ULK2: variants seen among roughly 807,000 people sequenced by gnomAD.
ULK2 encodes the protein unc-51 like autophagy activating kinase 2.
A neutral mutation model predicts 127.5 loss-of-function variants in ULK2; 76 were observed. The observed-to-expected ratio is 0.60, with a 90% CI of 0.50 to 0.72. ULK2 has a LOEUF of 0.72. Ranked by LOEUF, ULK2 falls within the 30% of genes least tolerant of loss-of-function variation. ULK2 has a pLI of 0.00. For missense variants in ULK2, 1,144 were observed against 1,295.9 expected (o/e 0.88, Z 1.80); for synonymous variants, 452 against 461.9 (o/e 0.98, Z 0.28).
At chr17:19,833,228 T>C (rs1438825269) in intron 10 of ULK2, among the ~76,000 whole-genome samples, 1 of 151,786 alleles carries the variant, frequency 6.6e-6, no homozygotes, top group Non-Finnish European at 1.5e-5. Flanking sequence ...TGTTTGATTT[T>C]TGACAAAAAA....
intron 3 of ULK2, among the ~76,000 whole-genome samples, chr17:19,851,425 G>C (rs1160896055): frequency 1.3e-5 from 2 of 150,764 alleles, no homozygotes; most frequent in African/African-American, 2.4e-5. Context: ...ATCACCTGAG[G>C]TCTGGAGTTC....
chr17:19,820,274 C>T (rs1468598649), intron 12 of ULK2, among the ~76,000 whole-genome samples: 1 of 152,164 alleles, frequency 6.6e-6, no homozygotes, highest in Non-Finnish European at 1.5e-5. Flanking sequence ...GTCTCAGTCT[C>T]TTGACCTTGT....
intron 3 of ULK2, among the ~76,000 whole-genome samples, chr17:19,850,237 G>A (rs972168843): frequency 1.1e-4 from 17 of 152,108 alleles, no homozygotes; most frequent in African/African-American, 3.9e-4. Context: ...GACTCAGGAC[G>A]CCTGGTTTTT....
At chr17:19,865,865 T>C (rs2042340955) in intron 1 of ULK2, 37 bp from the exon 2 acceptor site, 1 of 1,283,096 alleles carries the variant, frequency 7.8e-7, no homozygotes, top group Non-Finnish European at 1.1e-6. Context: ...TAGATACCAT[T>C]CCACATAAAT....
In ULK2 at chr17:19,783,920, A is replaced by T; in HGVS notation, c.2252-15T>A. 1 of 1,481,596 alleles carries T rather than the reference A, an allele frequency of 6.7e-7. No individual in the cohort carries two copies. 91.8% of individuals were successfully genotyped at this position (1,481,596 alleles called of 1,614,324 possible). A position where few individuals can be genotyped will look rare whatever the true frequency, so the allele number is the denominator to read the frequency against. On this transcript the variant is annotated splice_polypyrimidine_tract_variant and intron_variant, in intron 21 of 26. Transcript: ENST00000395544. Reference sequence around the variant, plus strand: ...GCTGGGCCCCACTACAAGGAAACAGAGGATACATGGCAGTGTCCAGAGTTA... The same window carrying T: ...GCTGGGCCCCACTACAAGGAAACAGTGGATACATGGCAGTGTCCAGAGTTA...
intron 10 of ULK2, among the ~76,000 whole-genome samples, chr17:19,832,943 T>C (rs1224612268): frequency 1.3e-5 from 2 of 151,834 alleles, no homozygotes; most frequent in Non-Finnish European, 2.9e-5. Context: ...GCCAACGTGG[T>C]GAAACCCTGT....
intron 20 of ULK2, among the ~76,000 whole-genome samples, chr17:19,794,915 A>G (rs1211992778): frequency 6.6e-6 from 1 of 151,994 alleles, no homozygotes; most frequent in Non-Finnish European, 1.5e-5. Context: ...TGTCTCTACT[A>G]AAAATACAAA....
intron 3 of ULK2, among the ~76,000 whole-genome samples, chr17:19,854,403 G>T (rs2042081115): frequency 6.6e-6 from 1 of 152,024 alleles, no homozygotes; most frequent in South Asian, 2.1e-4. Context: ...ACCAAAGGTT[G>T]CAAAAATATT....
Position 19,773,424 on chromosome 17 carries a change from T to C in ULK2, c.*2925A>G, listed in dbSNP as rs1242016909. On this transcript the variant is annotated 3_prime_UTR_variant, in exon 27 of 27. Coordinates refer to ENST00000395544, the MANE Select transcript of ULK2 (RefSeq NM_014683.4). ...CCTCTCAAGCTCCTGGACGGGACTC[T>C]AGTGAGGGCAGAACTGCTGGGCTGG... 6.6e-6 allele frequency: 1 copy of C among 152,028 alleles called. No individual in the cohort carries two copies. Among genetic ancestry groups the C allele is most frequent in the Non-Finnish European group, 1.5e-5 (1 of 68,040 alleles). The allele number at this position is 152,028 out of a possible 1,614,324, so 9.4% of individuals were successfully genotyped here.
intron 20 of ULK2, among the ~76,000 whole-genome samples, 191 bp from the exon 21 acceptor site, chr17:19,786,277 T>C (rs1358036116): frequency 1.3e-5 from 2 of 152,032 alleles, no homozygotes; most frequent in African/African-American, 2.4e-5. Flanking sequence ...AAATAACTTA[T>C]AGTAATCTCA....
At chr17:19,846,601 C>A (rs2041889290) in intron 6 of ULK2, 136 bp downstream of exon 6, 1 of 1,014,140 alleles carries the variant, frequency 9.9e-7, no homozygotes, top group Non-Finnish European at 1.4e-6. Context: ...GATCGCGCCA[C>A]TACACGCCAG....
intron 10 of ULK2, among the ~76,000 whole-genome samples, chr17:19,833,959 A>G (rs1243358643): frequency 6.6e-6 from 1 of 152,206 alleles, no homozygotes; most frequent in Non-Finnish European, 1.5e-5. Flanking sequence ...TATATCCAAA[A>G]AGATCAATAA....
chr17:19,822,514 G>A (rs1303867399), intron 12 of ULK2, among the ~76,000 whole-genome samples: 6 of 149,714 alleles, frequency 4.0e-5, no homozygotes, highest in Non-Finnish European at 5.9e-5. Flanking sequence ...GGTGCACGCC[G>A]CCACGCCCAG....
chr17:19,841,059 C>G (rs2041739743), intron 9 of ULK2, among the ~76,000 whole-genome samples: 1 of 151,942 alleles, frequency 6.6e-6, no homozygotes. Context: ...GCACTCATCT[C>G]AAGATACAAG....
At position 19,783,771 on chromosome 17, in the gene ULK2, C is replaced by T. The variant is rs754279030; in HGVS notation, c.2386G>A (p.Gly796Ser). 3.7e-6 allele frequency: 6 copies of T among 1,601,668 alleles called. No individual in the cohort carries two copies. The highest frequency in any genetic ancestry group is 2.3e-5 in the East Asian group (1 of 44,230). The change falls in exon 22 of 27, where the codon GGT becomes AGT. Residue 796 changes from glycine to serine, a missense_variant. Gly to Ser is a moderately conservative substitution (Grantham distance 56). Transcript: ENST00000395544. Reference protein sequence around the residue: ...AAPSLRYVPYGASPPSLEGLI... With the variant: ...AAPSLRYVPYSASPPSLEGLI... ...CCCTCTAGGCTGGGGGGTGAAGCACCGTAAGGCACGTATCTCAGGCTGGGA... is the reference window on the plus strand; with the variant it reads ...CCCTCTAGGCTGGGGGGTGAAGCACTGTAAGGCACGTATCTCAGGCTGGGA...
At chr17:19,834,680 G>A (rs918378862) in intron 10 of ULK2, among the ~76,000 whole-genome samples, 1 of 152,104 alleles carries the variant, frequency 6.6e-6, no homozygotes, top group Admixed American at 6.6e-5. Context: ...GGGAGGCCGA[G>A]GCAGGATGTG....
intron 12 of ULK2, among the ~76,000 whole-genome samples, chr17:19,823,979 A>C (rs891181252): frequency 2.0e-5 from 3 of 152,184 alleles, no homozygotes; most frequent in African/African-American, 7.2e-5. Flanking sequence ...GCATGCAATA[A>C]GTGCTTACAC....
chr17:19,832,068 C>T (rs1001462960), intron 10 of ULK2, among the ~76,000 whole-genome samples: 24 of 149,780 alleles, frequency 1.6e-4, no homozygotes, highest in African/African-American at 5.9e-4. Flanking sequence ...ATGGAGGTTG[C>T]AGTGAGCCAA....
At chr17:19,801,680 T>C (rs2087401858) in intron 16 of ULK2, 97 bp downstream of exon 16, 1 of 1,535,288 alleles carries the variant, frequency 6.5e-7, no homozygotes, top group Non-Finnish European at 8.9e-7. Context: ...TGAGAATCAC[T>C]GCCATCATGA....
Sources: allele counts gnomAD v4.1 joint callset (sites outside exome capture counted in the v4.1 genomes callset), GRCh38; gene constraint gnomAD v4.1.1; transcripts MANE v1.5; gene names NCBI Gene and HGNC (gene_info 2026-07-23, HGNC 2026-07-21).